The following GOT1L1 variants were observed in gnomAD, a reference collection of about 807,000 sequenced individuals.
GOT1L1 encodes the protein aspartate aminotransferase, cytoplasmic 2.
A neutral mutation model predicts 43.6 loss-of-function variants in GOT1L1; 38 were observed. The ratio of observed to expected loss-of-function variants is 0.87; its 90% CI spans 0.67 to 1.14. The LOEUF is 1.14. Ranked by LOEUF, GOT1L1 falls within the 50% of genes most tolerant of loss-of-function variation. The pLI is 0.00. For missense variants in GOT1L1, 482 were observed against 504.0 expected, an observed-to-expected ratio of 0.96 and a Z score of 0.42; for synonymous variants, 183 against 187.2, an observed-to-expected ratio of 0.98 and a Z score of 0.18.
At position 37,935,749 on chromosome 8, in the gene GOT1L1, C is replaced by G. The variant is rs201527994; in HGVS notation, c.884G>C (p.Arg295Pro). The G allele has an allele frequency of 1.2e-6, 2 of 1,610,510 alleles. No homozygotes were observed. Among genetic ancestry groups the G allele is most frequent in the African/African-American group, 1.3e-5 (1 of 74,768 alleles). ...LWLNPPNTGA[R>P]VITSILCNPA... ...GTTGCAGAGGATGGAGGTGATGACA[C>G]GTGCACCCGTGTTGGGGGGGTTTAG... The change falls in exon 7 of 9, where the codon CGT becomes CCT. Residue 295 changes from arginine to proline, a missense_variant. Physicochemically the swap from Arg to Pro is moderately radical, Grantham distance 103. Coordinates refer to ENST00000307599, the MANE Select transcript of GOT1L1 (RefSeq NM_152413.3).
At position 37,938,680 on chromosome 8, in the gene GOT1L1, G is replaced by T; in HGVS notation, c.297+20C>A. On this transcript the variant is annotated intron_variant, in intron 2 of 8. Coordinates refer to ENST00000307599, the MANE Select transcript of GOT1L1 (RefSeq NM_152413.3). ...CACTCTCTGTGTCTAAATGAGCCAG[G>T]GGAGGGCCCACCTTCTCACCCTGTT... 6.4e-7 allele frequency: 1 copy of T among 1,553,404 alleles called. No homozygotes were observed. The highest frequency in any genetic ancestry group is 1.2e-5 in the South Asian group (1 of 83,774).
rs190463100 is a variant in GOT1L1 at position 37,934,433 on chromosome 8, C to T, written c.1126G>A (p.Gly376Ser). 1.9e-5 allele frequency: 30 copies of T among 1,613,832 alleles called. 1 individual carries two copies. The East Asian group carries it at 2.9e-4, about 16-fold the overall frequency. Residue 376 changes from glycine to serine, a missense_variant, in exon 9 of 9, where the codon GGT (glycine) becomes AGT (serine). Coordinates refer to ENST00000307599, the MANE Select transcript of GOT1L1 (RefSeq NM_152413.3). ...TTGATACAGCTGAAGTTAATCTGAC[C>T]GTTCTTGGGGATATAGATGTGCTTC... ...RKKHIYIPKNGQINFSCINAN... is the reference protein window; with the variant it reads ...RKKHIYIPKNSQINFSCINAN...
Position 37,937,526 on chromosome 8 carries a change from G to T in GOT1L1, c.409+112C>A, listed in dbSNP as rs802166. 22 of 1,029,444 alleles carry T rather than the reference G, an allele frequency of 2.1e-5. No individual in the cohort carries two copies. The African/African-American group carries it at 2.7e-4, about 13-fold the overall frequency. 63.8% of individuals were successfully genotyped at this position (1,029,444 alleles called of 1,614,324 possible). A position where few individuals can be genotyped will look rare whatever the true frequency, so the allele number is the denominator to read the frequency against. On this transcript the variant is annotated intron_variant, in intron 3 of 8. Coordinates refer to ENST00000307599, the MANE Select transcript of GOT1L1 (RefSeq NM_152413.3). The stretch of plus-strand genomic sequence containing the variant: ...AGGACATAAATAGCTTGGCTTGTCT[G>T]CCATTTTGCTCATGACAGAGAATGA...
Position 37,939,938 on chromosome 8 carries a change from T to C in GOT1L1, c.92A>G (p.Asn31Ser). The change falls in exon 1 of 9, where the codon AAC (asparagine) becomes AGC (serine). Residue 31 changes from asparagine (N) to serine (S), a missense_variant. Coordinates refer to ENST00000307599, the MANE Select transcript of GOT1L1 (RefSeq NM_152413.3). ...LKTYKQDDYP[N>S]KIFLAYRVCM... ...ACCTCTATAGGCTAAGAATATCTTG[T>C]TCGGGTAATCATCTTGTTTGTAGGT... 1 of 1,613,608 alleles carries C rather than the reference T, an allele frequency of 6.2e-7. No homozygotes were observed. The highest frequency in any genetic ancestry group is 8.5e-7 in the Non-Finnish European group (1 of 1,179,626).
chr8:37,935,381 C>T (rs1260359229), intron 7 of GOT1L1, among the ~76,000 whole-genome samples, 166 bp from the exon 8 acceptor site: 1 of 152,084 alleles, frequency 6.6e-6, no homozygotes, highest in African/African-American at 2.4e-5. Context: ...TTCATTTAAG[C>T]AAACCAGGGA....
In GOT1L1 at chr8:37,935,800, A is replaced by G; in HGVS notation, c.833T>C (p.Leu278Pro). The G allele has an allele frequency of 6.2e-7, 1 of 1,613,226 alleles. No individual in the cohort carries two copies. Among genetic ancestry groups the G allele is most frequent in the Non-Finnish European group, 8.5e-7 (1 of 1,179,558 alleles). ...CCACAGGGCCTGGGCTAATCCTTCC[A>G]GCTGGGAGAGGACACACAGCAGCTG... ...NQQLLCVLSQ[L>P]EGLAQALWLN... The change falls in exon 7 of 9, where the codon CTG (leucine) becomes CCG (proline). Residue 278 changes from leucine (L) to proline (P), a missense_variant. Leu to Pro is a moderately conservative substitution (Grantham distance 98). Transcript: ENST00000307599.
chr8:37,935,151 G>A lies in GOT1L1; in HGVS notation c.994C>T (p.Leu332Phe), dbSNP rs1406705994. The change falls in exon 8 of 9, where the codon CTC becomes TTC. Residue 332 changes from leucine (L) to phenylalanine (F), a missense_variant. Transcript: ENST00000307599. ...MLTKEKVKEK[L>F]QLLGTPGSWG... ...GACCCAGGGGTTCCCAGGAGCTGGA[G>A]TTTCTCCTTCACTTTTTCCTTGGTT... 1.2e-6 allele frequency: 2 copies of A among 1,612,568 alleles called. No homozygotes were observed. The highest frequency in any genetic ancestry group is 2.7e-5 in the African/African-American group (2 of 74,912).
Position 37,936,965 on chromosome 8 carries a change from C to T in GOT1L1, c.612G>A (p.Lys204=). 6.2e-7 allele frequency: 1 copy of T among 1,613,744 alleles called. No individual in the cohort carries two copies. Among genetic ancestry groups the T allele is most frequent in the Non-Finnish European group, 8.5e-7 (1 of 1,179,726 alleles). Residue 204 remains lysine, a splice_region_variant and synonymous_variant, in exon 5 of 9, where the codon AAG becomes AAA. Coordinates refer to ENST00000307599, the MANE Select transcript of GOT1L1 (RefSeq NM_152413.3). ...SGWAKLMSMI[K]SKQIFPFFDI... ...AGGTCGGGTGGGAGATTGGGTTTAC[C>T]TTTATCATGGACATCAACTTTGCCC...
chr8:37,937,092 C>T (rs753898641), intron 4 of GOT1L1, 35 bp from the exon 5 acceptor site: 9 of 1,598,366 alleles, frequency 5.6e-6, no homozygotes, highest in Non-Finnish European at 7.7e-6. Flanking sequence ...GGCTTCACCC[C>T]CACCCAGGAG....
chr8:37,938,680 G>A lies in GOT1L1; in HGVS notation c.297+20C>T. 6 of 1,553,404 alleles carry A rather than the reference G, an allele frequency of 3.9e-6. No homozygotes were observed. Among genetic ancestry groups the A allele is most frequent in the Non-Finnish European group, 5.2e-6 (6 of 1,146,608 alleles). Reference sequence around the variant, plus strand: ...CACTCTCTGTGTCTAAATGAGCCAGGGGAGGGCCCACCTTCTCACCCTGTT... The same window carrying A: ...CACTCTCTGTGTCTAAATGAGCCAGAGGAGGGCCCACCTTCTCACCCTGTT... On this transcript the variant is annotated intron_variant, in intron 2 of 8. Transcript: ENST00000307599.
chr8:37,938,844 G>A lies in GOT1L1; in HGVS notation c.153C>T (p.Leu51=), dbSNP rs774966166. 2.4e-5 allele frequency: 38 copies of A among 1,613,688 alleles called. No homozygotes were observed. In the African/African-American group the frequency reaches 2.8e-4, roughly 12 times the overall value. Residue 51 remains leucine, a synonymous_variant, in exon 2 of 9, where the codon CTC becomes CTT. Transcript: ENST00000307599. ...MTNEGHPWVS[L]VVQKTRLQIS... is the part of the protein sequence containing the mutation. ...TCTGTAGTCGAGTCTTCTGCACCACGAGAGAAACCCAGGGATGGCCTTCAT... is the reference window on the plus strand; with the variant it reads ...TCTGTAGTCGAGTCTTCTGCACCACAAGAGAAACCCAGGGATGGCCTTCAT...
At position 37,935,736 on chromosome 8, in the gene GOT1L1, G is replaced by A; in HGVS notation, c.897C>T (p.Ser299=). ...CCAGCAGAGCAGGGTTGCAGAGGAT[G>A]GAGGTGATGACACGTGCACCCGTGT... ...PPNTGARVIT[S]ILCNPALLGE... Residue 299 remains serine, a synonymous_variant, in exon 7 of 9, where the codon TCC becomes TCT. Transcript: ENST00000307599. The A allele has an allele frequency of 6.2e-7, 1 of 1,607,926 alleles. No homozygotes were observed. The highest frequency in any genetic ancestry group is 2.3e-5 in the East Asian group (1 of 44,436).
At chr8:37,934,962 G>T in intron 8 of GOT1L1, 111 bp downstream of exon 8, 1 of 1,226,422 alleles carries the variant, frequency 8.2e-7, no homozygotes. Flanking sequence ...CCAGAGGACA[G>T]AATCAAAATC....
At chr8:37,937,102 G>T in intron 4 of GOT1L1, 45 bp from the exon 5 acceptor site, 1 of 1,575,308 alleles carries the variant, frequency 6.3e-7, no homozygotes, top group Middle Eastern at 2.0e-4. Context: ...CCACCCAGGA[G>T]TGGCGGCCCC....
Position 37,935,213 on chromosome 8 carries a change from T to C in GOT1L1, c.932A>G (p.Lys311Arg). ...CTCTACAACTTCTTTTAGACTCTGC[T>C]TCCTACCAAGGAAGGACAATGAGAA... ...LCNPALLGEWKQSLKEVVENI... is the reference protein window; with the variant it reads ...LCNPALLGEWRQSLKEVVENI... The change falls in exon 8 of 9, where the codon AAG (lysine) becomes AGG (arginine). Residue 311 changes from lysine (K) to arginine (R), a missense_variant and splice_region_variant. By Grantham distance (26) the Lys-to-Arg change is conservative (BLOSUM62 2). Coordinates refer to ENST00000307599, the MANE Select transcript of GOT1L1 (RefSeq NM_152413.3). The C allele has an allele frequency of 6.3e-7, 1 of 1,591,770 alleles. No homozygotes were observed. The highest frequency in any genetic ancestry group is 8.6e-7 in the Non-Finnish European group (1 of 1,168,524).
chr8:37,936,853 T>C lies in GOT1L1; in HGVS notation c.630A>G (p.Pro210=), dbSNP rs1446985916. 1 of 1,610,254 alleles carries C rather than the reference T, an allele frequency of 6.2e-7. No individual in the cohort carries two copies. The highest frequency in any genetic ancestry group is 8.5e-7 in the Non-Finnish European group (1 of 1,176,970). The change falls in exon 6 of 9, where the codon CCA becomes CCG. Residue 210 remains proline (P), a synonymous_variant. Transcript: ENST00000307599. ...AACCTTGACAGGGAATATCAAAAAA[T>C]GGGAATATCTGCTTGCTCTGTAGGA... ...MSMIKSKQIF[P]FFDIPCQGLY...
At chr8:37,939,845 G>C in intron 1 of GOT1L1, 70 bp downstream of exon 1, 1 of 1,479,748 alleles carries the variant, frequency 6.8e-7, no homozygotes, top group South Asian at 1.2e-5. Flanking sequence ...CCCTGCAGCA[G>C]GGAACACTGT....
At position 37,938,892 on chromosome 8, in the gene GOT1L1, A is replaced by G; in HGVS notation, c.116-11T>C. The G allele has an allele frequency of 1.2e-6, 2 of 1,612,990 alleles. No individual in the cohort carries two copies. Among genetic ancestry groups the G allele is most frequent in the Non-Finnish European group, 1.7e-6 (2 of 1,179,374 alleles). On this transcript the variant is annotated splice_polypyrimidine_tract_variant and intron_variant, in intron 1 of 8. Coordinates refer to ENST00000307599, the MANE Select transcript of GOT1L1 (RefSeq NM_152413.3). Reference sequence around the variant, plus strand: ...CATTTGTCATGCAGACTGTGAGGAAAACCACAGAGGGAGCTCCAGATGCCT... The same window carrying G: ...CATTTGTCATGCAGACTGTGAGGAAGACCACAGAGGGAGCTCCAGATGCCT...
intron 4 of GOT1L1, 26 bp downstream of exon 4, chr8:37,937,251 G>T: frequency 7.0e-7 from 1 of 1,430,082 alleles, no homozygotes; most frequent in South Asian, 1.3e-5. Context: ...GCTCTAGGGA[G>T]GAGTTTCTGA....
Sources: gnomAD v4.1 joint callset for allele counts (sites outside exome capture counted in the v4.1 genomes callset) on GRCh38, gnomAD v4.1.1 for gene constraint, MANE v1.5 for transcripts, NCBI Gene and HGNC (gene_info 2026-07-23, HGNC 2026-07-21) for gene names.